Variants in ANKRD45 observed in about 807,000 individuals in gnomAD.
ANKRD45 encodes the protein ankyrin repeat domain 45.
A neutral mutation model predicts 28.1 loss-of-function variants in ANKRD45; 21 were observed. That is an observed-to-expected ratio of 0.75 (90% CI 0.53 to 1.08). The LOEUF (loss-of-function observed/expected upper bound fraction) is 1.08, where lower values mean the gene tolerates loss of function less well. ANKRD45 is among the 50% of genes least tolerant of loss of function. The pLI is 0.00. For missense variants in ANKRD45, 261 were observed against 308.7 expected (o/e 0.85, Z 1.16); for synonymous variants, 86 against 103.9 (o/e 0.83, Z 1.05).
chr1:173,643,362 T>C lies in ANKRD45; in HGVS notation c.496+3484A>G, dbSNP rs542983575. On this transcript the variant is annotated intron_variant, in intron 3 of 5. Transcript: ENST00000333279. ...CTAATTTTTGTATTTTTAGTGGAGA[T>C]GGGGTTTCACCATCTTGGCCAGGCT... is the stretch of plus-strand genomic sequence containing the variant. 2.0e-5 allele frequency among the ~76,000 whole-genome samples: 3 copies of C among 151,904 alleles called. No homozygotes were observed. The South Asian group carries it at 6.2e-4, about 32-fold the overall frequency.
At chr1:173,702,914 C>T in the ANKRD45 span, among the ~76,000 whole-genome samples, 1 of 151,794 alleles carries the variant, frequency 6.6e-6, no homozygotes. Context: ...CTTTTACAGA[C>T]AGGATCTTGC....
intron 4 of ANKRD45, among the ~76,000 whole-genome samples, chr1:173,626,529 G>T (rs946849497): frequency 3.9e-5 from 6 of 152,042 alleles, no homozygotes; most frequent in African/African-American, 1.4e-4. Context: ...ATAATGAAAT[G>T]AATATTTCCA....
At chr1:173,653,922 CTTT>C (rs1185149394) in intron 2 of ANKRD45, among the ~76,000 whole-genome samples, 7 of 100,318 alleles carry the variant, frequency 7.0e-5, no homozygotes, top group East Asian at 2.8e-4. Flanking sequence ...GCAACCCTTG[CTTT>C]TTTTTTTTTT....
chr1:173,691,226 G>A, the ANKRD45 span, among the ~76,000 whole-genome samples: 1 of 152,110 alleles, frequency 6.6e-6, no homozygotes, highest in African/African-American at 2.4e-5. Flanking sequence ...TAGGTTGCTG[G>A]CCAGTTTTTT....
At chr1:173,670,785 T>C (rs1480997902), upstream of ANKRD45, among the ~76,000 whole-genome samples, 1 of 152,164 alleles carries the variant, frequency 6.6e-6, no homozygotes, top group Non-Finnish European at 1.5e-5. Flanking sequence ...TCCGAATAGA[T>C]AGAAAACATC....
At chr1:173,655,132 G>A (rs1393989074) in intron 2 of ANKRD45, among the ~76,000 whole-genome samples, 2 of 152,136 alleles carry the variant, frequency 1.3e-5, no homozygotes, top group African/African-American at 4.8e-5. Flanking sequence ...GTCCAGCTTT[G>A]TTCCGTTGCT....
intron 5 of ANKRD45, among the ~76,000 whole-genome samples, chr1:173,610,706 C>T (rs1470440583): frequency 6.6e-6 from 1 of 151,922 alleles, no homozygotes; most frequent in East Asian, 1.9e-4. Flanking sequence ...CCAATAGTCC[C>T]AGCTACTTAG....
chr1:173,688,527 CCT>C, the ANKRD45 span, among the ~76,000 whole-genome samples: 23 of 87,726 alleles, frequency 2.6e-4, no homozygotes, highest in South Asian at 2.3e-3. Flanking sequence ...TTTGCCTCTT[CCT>C]CTCTCTCCCT....
intron 5 of ANKRD45, 119 bp downstream of exon 5, chr1:173,624,668 T>C: frequency 9.5e-7 from 1 of 1,050,978 alleles, no homozygotes; most frequent in Non-Finnish European, 1.3e-6. Context: ...TTAGTGCTTG[T>C]AACAATGTTA....
At chr1:173,632,295 T>A (rs1013001889) in intron 3 of ANKRD45, among the ~76,000 whole-genome samples, 1 of 151,538 alleles carries the variant, frequency 6.6e-6, no homozygotes, top group African/African-American at 2.4e-5. Context: ...CATGAAGAAA[T>A]CCAAAACCTG....
chr1:173,609,150 A>T lies in ANKRD45; in HGVS notation c.*995T>A, dbSNP rs1667042528. 6.6e-6 allele frequency among the ~76,000 whole-genome samples: 1 copy of T among 152,220 alleles called. No individual in the cohort carries two copies. Among genetic ancestry groups the T allele is most frequent in the South Asian group, 2.1e-4 (1 of 4,834 alleles). ...ACTGAATTGCTCATACATTAAAAGG[A>T]TAAAAAACTAAAAACTTTGGGAGAC... is the stretch of plus-strand genomic sequence containing the variant. On this transcript the variant is annotated 3_prime_UTR_variant, in exon 6 of 6. Coordinates refer to ENST00000333279, the MANE Select transcript of ANKRD45 (RefSeq NM_198493.3).
At chr1:173,712,849 C>T in the ANKRD45 span, among the ~76,000 whole-genome samples, 1 of 152,114 alleles carries the variant, frequency 6.6e-6, no homozygotes, top group South Asian at 2.1e-4. Context: ...CTATAATCAC[C>T]TGGAGAACTT....
intron 2 of ANKRD45, among the ~76,000 whole-genome samples, chr1:173,656,871 T>C (rs1669541951): frequency 6.6e-6 from 1 of 151,626 alleles, no homozygotes. Flanking sequence ...GAAAGTTTCT[T>C]CTATTCCTAT....
chr1:173,693,962 G>T, the ANKRD45 span, among the ~76,000 whole-genome samples: 1 of 152,202 alleles, frequency 6.6e-6, no homozygotes, highest in Non-Finnish European at 1.5e-5. Context: ...AGGCATCTAT[G>T]CCATAGGTTG....
At chr1:173,662,327 A>G (rs1669813882) in intron 1 of ANKRD45, among the ~76,000 whole-genome samples, 2 of 152,208 alleles carry the variant, frequency 1.3e-5, no homozygotes, top group Admixed American at 1.3e-4. Context: ...TCATTGTGAT[A>G]TGCATTTTAA....
intron 2 of ANKRD45, among the ~76,000 whole-genome samples, chr1:173,654,347 T>C (rs896396850): frequency 2.0e-5 from 3 of 152,186 alleles, no homozygotes; most frequent in Non-Finnish European, 4.4e-5. Context: ...ATTTCTCCTT[T>C]ACTTACGAAG....
chr1:173,624,550 T>C (rs934210228), intron 5 of ANKRD45, among the ~76,000 whole-genome samples: 5 of 151,806 alleles, frequency 3.3e-5, no homozygotes, highest in Admixed American at 6.6e-5. Flanking sequence ...TAATGACTGA[T>C]GATGGTAATA....
the ANKRD45 span, among the ~76,000 whole-genome samples, chr1:173,688,461 CCTCT>C: frequency 2.9e-4 from 31 of 107,226 alleles, no homozygotes; most frequent in Admixed American, 1.4e-3. Context: ...TCTACCTCTT[CCTCT>C]CTCTACCTCT....
intron 5 of ANKRD45, among the ~76,000 whole-genome samples, chr1:173,615,061 C>G (rs1323217724): frequency 6.6e-6 from 1 of 152,034 alleles, no homozygotes; most frequent in African/African-American, 2.4e-5. Context: ...TCCAGTAATC[C>G]ACCCGCCTCA....
Sources: allele counts gnomAD v4.1 joint callset (sites outside exome capture counted in the v4.1 genomes callset), GRCh38; gene constraint gnomAD v4.1.1; transcripts MANE v1.5; gene names NCBI Gene and HGNC (gene_info 2026-07-23, HGNC 2026-07-21).